Variants in RGS7 observed in about 807,000 individuals in gnomAD.
RGS7 encodes the protein regulator of G-protein signaling 7.
RGS7 carries 27 observed loss-of-function variants against 81.1 expected under a neutral mutation model. The observed-to-expected ratio is 0.33, with a 90% CI of 0.25 to 0.46. The LOEUF is 0.46. Among genes scored for constraint, RGS7 ranks in the 20% least tolerant of loss-of-function variants. The pLI is 1.00. For synonymous variants in RGS7, 208 were observed against 207.7 expected (o/e 1.00, Z -0.01); for missense variants, 396 against 607.4 (o/e 0.65, Z 3.66).
chr1:240,856,996 G>T (rs1661254122), intron 9 of RGS7, among the ~76,000 whole-genome samples: 1 of 152,056 alleles, frequency 6.6e-6, no homozygotes, highest in African/African-American at 2.4e-5. Context: ...TTTACTTCAA[G>T]GTCTTGTCTA....
rs143146924 is a variant in RGS7, at chr1:240,948,911, A to G, written c.227-12205T>C. 9.9e-4 allele frequency among the ~76,000 whole-genome samples: 150 copies of G among 151,814 alleles called. No individual in the cohort carries two copies. In the East Asian group the frequency reaches 0.023, roughly 23 times the overall value. ...AAATGTGTTGGTATCCCTGTAAAGTAGTTAACCACTTGGAATTATTATTTA... is the reference window on the plus strand; with the variant it reads ...AAATGTGTTGGTATCCCTGTAAAGTGGTTAACCACTTGGAATTATTATTTA... On this transcript the variant is annotated intron_variant, in intron 4 of 18. Coordinates refer to ENST00000440928, the MANE Select transcript of RGS7 (RefSeq NM_001364886.1).
intron 2 of RGS7, among the ~76,000 whole-genome samples, chr1:241,264,847 A>G (rs1000927912): frequency 1.3e-5 from 2 of 152,238 alleles, no homozygotes; most frequent in African/African-American, 2.4e-5. Flanking sequence ...TGTGGTATGA[A>G]GGCCTAAAAT....
At chr1:240,970,267 A>G (rs1405318399) in intron 4 of RGS7, among the ~76,000 whole-genome samples, 1 of 152,230 alleles carries the variant, frequency 6.6e-6, no homozygotes, top group Non-Finnish European at 1.5e-5. Context: ...GTCTGAAATA[A>G]TGGCAGACAT....
At chr1:241,133,461 T>C (rs985637111) in intron 2 of RGS7, among the ~76,000 whole-genome samples, 1 of 152,006 alleles carries the variant, frequency 6.6e-6, no homozygotes, top group Non-Finnish European at 1.5e-5. Flanking sequence ...GACAATATTG[T>C]AGAAAACTAA....
At chr1:241,289,169 A>T (rs1216159616) in intron 2 of RGS7, among the ~76,000 whole-genome samples, 1 of 152,196 alleles carries the variant, frequency 6.6e-6, no homozygotes, top group Non-Finnish European at 1.5e-5. Context: ...TTTCAATGAG[A>T]TGCTTAGCAC....
At chr1:241,345,544 T>C (rs2082842468) in intron 2 of RGS7, among the ~76,000 whole-genome samples, 1 of 152,126 alleles carries the variant, frequency 6.6e-6, no homozygotes, top group South Asian at 2.1e-4. Context: ...TATCTGGAAA[T>C]AACTACATTT....
At chr1:240,978,192 C>T (rs922736352) in intron 4 of RGS7, among the ~76,000 whole-genome samples, 6 of 152,302 alleles carry the variant, frequency 3.9e-5, no homozygotes, top group Admixed American at 6.5e-5. Context: ...CTGTCAATAA[C>T]TGAAGATCAG....
At chr1:240,788,941 C>T (rs1243517227) in intron 18 of RGS7, among the ~76,000 whole-genome samples, 5 of 152,256 alleles carry the variant, frequency 3.3e-5, no homozygotes, top group African/African-American at 9.6e-5. Flanking sequence ...CATTTGAGAC[C>T]AGCCTTGCCA....
intron 3 of RGS7, among the ~76,000 whole-genome samples, chr1:240,986,342 C>T (rs1685661873): frequency 6.6e-6 from 1 of 152,152 alleles, no homozygotes; most frequent in Admixed American, 6.5e-5. Flanking sequence ...TTTGCTAATG[C>T]TCTTCTATCT....
At chr1:240,909,791 C>A (rs1245043947) in intron 6 of RGS7, among the ~76,000 whole-genome samples, 1 of 152,180 alleles carries the variant, frequency 6.6e-6, no homozygotes, top group African/African-American at 2.4e-5. Flanking sequence ...GTCTAAGGAA[C>A]TGAGGCTTTC....
intron 18 of RGS7, among the ~76,000 whole-genome samples, chr1:240,798,828 CT>C (rs1324136875): frequency 6.6e-6 from 1 of 152,298 alleles, no homozygotes; most frequent in South Asian, 2.1e-4. Flanking sequence ...CTATTTTCCC[CT>C]ATTCCATTTC....
intron 18 of RGS7, among the ~76,000 whole-genome samples, chr1:240,783,189 C>T (rs1475780638): frequency 6.6e-6 from 1 of 152,138 alleles, no homozygotes. Context: ...CAAACCAATT[C>T]CTTTCTGTCC....
In RGS7 at chr1:241,320,087, C is replaced by G. The variant is rs140612076; in HGVS notation, c.78+35612G>C. ...GCCTGGGCAACAGAGCGAGACTCCACGTAAAGAAAAGAAAAAAAGTTTGAA... is the reference window on the plus strand; with the variant it reads ...GCCTGGGCAACAGAGCGAGACTCCAGGTAAAGAAAAGAAAAAAAGTTTGAA... On this transcript the variant is annotated intron_variant, in intron 2 of 18. Coordinates refer to ENST00000440928, the MANE Select transcript of RGS7 (RefSeq NM_001364886.1). Among the ~76,000 whole-genome samples, 1,521 of 152,132 alleles carry G rather than the reference C, an allele frequency of 1.0e-2. 23 individuals carry two copies. The highest frequency in any genetic ancestry group is 0.035 in the African/African-American group (1,448 of 41,510).
intron 2 of RGS7, among the ~76,000 whole-genome samples, chr1:241,294,662 C>T (rs2079290154): frequency 6.6e-6 from 1 of 152,216 alleles, no homozygotes; most frequent in Non-Finnish European, 1.5e-5. Context: ...CCTGCAAGCT[C>T]CATTCATGGC....
chr1:241,261,270 C>T (rs1879746), intron 2 of RGS7, among the ~76,000 whole-genome samples: 91 of 151,988 alleles, frequency 6.0e-4, no homozygotes, highest in African/African-American at 2.1e-3. Context: ...TAAGTGGATG[C>T]GGCTGGGAAC....
At chr1:240,827,906 G>C (rs1572289242) in intron 9 of RGS7, among the ~76,000 whole-genome samples, 1 of 150,890 alleles carries the variant, frequency 6.6e-6, no homozygotes. Context: ...TTATTAGATG[G>C]GTGCCTTGCT....
chr1:240,811,565 A>T (rs1307771956), intron 14 of RGS7, among the ~76,000 whole-genome samples: 1 of 152,224 alleles, frequency 6.6e-6, no homozygotes, highest in East Asian at 1.9e-4. Context: ...ACAATGACAA[A>T]TAGGTGATAT....
chr1:241,072,079 C>T (rs1470016802), intron 3 of RGS7, among the ~76,000 whole-genome samples: 2 of 152,188 alleles, frequency 1.3e-5, no homozygotes, highest in African/African-American at 4.8e-5. Flanking sequence ...AGACCAACCA[C>T]CAAGTGATCT....
intron 2 of RGS7, among the ~76,000 whole-genome samples, chr1:241,157,717 T>A (rs185017341): frequency 6.6e-6 from 1 of 152,140 alleles, no homozygotes; most frequent in South Asian, 2.1e-4. Context: ...TTTCAGTGGT[T>A]GAAAAAAATA....
Sources: gnomAD v4.1 joint callset for allele counts (sites outside exome capture counted in the v4.1 genomes callset) on GRCh38, gnomAD v4.1.1 for gene constraint, MANE v1.5 for transcripts, NCBI Gene and HGNC (gene_info 2026-07-23, HGNC 2026-07-21) for gene names.